The following KMT2A variants were observed in gnomAD, a reference collection of about 807,000 sequenced individuals.
The protein encoded by KMT2A is lysine methyltransferase 2A.
In KMT2A, 16 loss-of-function variants were observed where a neutral mutation model predicts 345.3. The ratio of observed to expected loss-of-function variants is 0.05; its 90% CI spans 0.03 to 0.07. The LOEUF (loss-of-function observed/expected upper bound fraction) is 0.07. Among genes scored for constraint, KMT2A ranks in the 10% least tolerant of loss-of-function variants. The pLI, the probability that KMT2A is intolerant of heterozygous loss-of-function variation, is 1.00. For missense variants in KMT2A, 3,272 were observed against 4,841.6 expected, an observed-to-expected ratio of 0.68 and a Z score of 9.62; for synonymous variants, 1,599 against 1,778.6, an observed-to-expected ratio of 0.90 and a Z score of 2.54.
intron 31 of KMT2A, among the ~76,000 whole-genome samples, chr11:118,512,624 G>A (rs1555050421): frequency 6.6e-6 from 1 of 151,978 alleles, no homozygotes; most frequent in Non-Finnish European, 1.5e-5. Flanking sequence ...GTGTAGACAT[G>A]TTTTTATTTT....
intron 31 of KMT2A, among the ~76,000 whole-genome samples, chr11:118,515,998 C>A (rs1950806034): frequency 6.6e-6 from 1 of 152,058 alleles, no homozygotes; most frequent in South Asian, 2.1e-4. Context: ...CTAAGCCAGT[C>A]TCTGGCAAAG....
intron 28 of KMT2A, 168 bp downstream of exon 28, chr11:118,507,777 T>C (rs180966088): frequency 2.8e-4 from 160 of 571,670 alleles, no homozygotes; most frequent in Non-Finnish European, 4.7e-4. Flanking sequence ...CTGGCTAACA[T>C]GGTGAAACCC....
chr11:118,500,940 C>T, intron 24 of KMT2A, 47 bp from the exon 25 acceptor site: 1 of 1,503,566 alleles, frequency 6.7e-7, no homozygotes, highest in Non-Finnish European at 9.2e-7. Flanking sequence ...CTAGTTTCTG[C>T]TTCTATCCTC....
Position 118,502,974 on chromosome 11 carries a change from C to A in KMT2A, c.7082C>A (p.Ser2361Ter). The A allele has an allele frequency of 6.2e-7, 1 of 1,613,970 alleles. No homozygotes were observed. Among genetic ancestry groups the A allele is most frequent in the South Asian group, 1.1e-5 (1 of 91,016 alleles). ...TCCTTTGCTGAACCCTCTTCAGTGT[C>A]GTTTTCTTCTAAAGAGGCCCTCTCC... ...IGSFAEPSSV[S>*]FSSKEALSFP... Residue 2361 changes from serine to a stop codon, truncating the protein, a stop_gained, in exon 27 of 36, where the codon TCG becomes TAG. Transcript: ENST00000534358. LOFTEE classifies it high-confidence loss of function. The surrounding 1 kb of genome is among the most constrained non-coding windows in gnomAD (Gnocchi z 4.9).
Position 118,484,189 on chromosome 11 carries a change from C to A in KMT2A, c.4093C>A (p.Pro1365Thr). 1 of 1,614,070 alleles carries A rather than the reference C, an allele frequency of 6.2e-7. No homozygotes were observed. The highest frequency in any genetic ancestry group is 8.5e-7 in the Non-Finnish European group (1 of 1,179,992). ...VKQKPKEKEK[P>T]PPVNKQENAG... Reference sequence around the variant, plus strand: ...TCATCTTTTGTCTCCTTAGGAAAAACCACCTCCGGTCAATAAGCAGGAGAA... The same window carrying A: ...TCATCTTTTGTCTCCTTAGGAAAAAACACCTCCGGTCAATAAGCAGGAGAA... Residue 1365 changes from proline (P) to threonine (T), a missense_variant, in exon 9 of 36, where the codon CCA becomes ACA. By Grantham distance (38) the Pro-to-Thr change is conservative (BLOSUM62 -1). Transcript: ENST00000534358. This position sits in a 1 kb window ranked among gnomAD's most constrained non-coding sequence, Gnocchi z 4.1.
intron 31 of KMT2A, among the ~76,000 whole-genome samples, chr11:118,519,094 A>AAG (rs1950898229): frequency 6.6e-6 from 1 of 150,710 alleles, no homozygotes; most frequent in South Asian, 2.1e-4. Context: ...AAAAAAAAAA[A>AAG]AAAAAGAAAA....
At chr11:118,439,468 AAG>A (rs1447301431) in intron 1 of KMT2A, among the ~76,000 whole-genome samples, 1 of 152,242 alleles carries the variant, frequency 6.6e-6, no homozygotes, top group Non-Finnish European at 1.5e-5. Flanking sequence ...ACTGGTTAGA[AAG>A]AGAGCCACCT....
intron 28 of KMT2A, among the ~76,000 whole-genome samples, chr11:118,508,089 A>T (rs543061127): frequency 2.8e-4 from 42 of 152,368 alleles, no homozygotes; most frequent in Admixed American, 1.8e-3. Flanking sequence ...GAATTATTTA[A>T]ATAATGGATA....
Position 118,502,915 on chromosome 11 carries a change from A to C in KMT2A, c.7023A>C (p.Thr2341=), listed in dbSNP as rs554266191. The C allele has an allele frequency of 7.3e-5, 118 of 1,614,122 alleles. No homozygotes were observed. The South Asian group carries it at 1.3e-3, about 17-fold the overall frequency. Residue 2341 remains threonine, a synonymous_variant, in exon 27 of 36, where the codon ACA becomes ACC. Coordinates refer to ENST00000534358, the MANE Select transcript of KMT2A (RefSeq NM_001197104.2). The surrounding 1 kb of genome is among the most constrained non-coding windows in gnomAD (Gnocchi z 4.9). ...AACTGGCCCCACAGGTTCATAACAC[A>C]ACATCTAGAGAACTGAATGTTAGTA... is the stretch of plus-strand genomic sequence containing the variant. ...IPKLAPQVHN[T]TSRELNVSKI...
At position 118,509,824 on chromosome 11, in the gene KMT2A, G is replaced by C. The variant is rs571064203; in HGVS notation, c.10901-124G>C. On this transcript the variant is annotated intron_variant, in intron 29 of 35. Coordinates refer to ENST00000534358, the MANE Select transcript of KMT2A (RefSeq NM_001197104.2). ...GTCTTGGGTTTGTTATCTATAAATG[G>C]GAATAATAAACCAACTGTGGAATGT... is the stretch of plus-strand genomic sequence containing the variant. 1.1e-4 allele frequency: 74 copies of C among 676,264 alleles called. 1 individual carries two copies. The East Asian group carries it at 1.9e-3, about 17-fold the overall frequency. 41.9% of individuals were successfully genotyped at this position (676,264 alleles called of 1,614,324 possible).
chr11:118,497,144 A>G lies in KMT2A; in HGVS notation c.5664+777A>G, dbSNP rs1476819106. 1.3e-5 allele frequency among the ~76,000 whole-genome samples: 2 copies of G among 152,084 alleles called. No individual in the cohort carries two copies. Among genetic ancestry groups the G allele is most frequent in the Non-Finnish European group, 2.9e-5 (2 of 68,028 alleles). On this transcript the variant is annotated intron_variant, in intron 20 of 35. Coordinates refer to ENST00000534358, the MANE Select transcript of KMT2A (RefSeq NM_001197104.2). This position sits in a 1 kb window ranked among gnomAD's most constrained non-coding sequence, Gnocchi z 4.8. ...CTCAGCCTCCCGAGTAGCTGGGATT[A>G]CAGGCATGTGCCACCATGCCCGGCT...
chr11:118,493,106 C>T lies in KMT2A; in HGVS notation c.5054C>T (p.Ser1685Phe). The change falls in exon 16 of 36, where the codon TCC becomes TTC. Residue 1685 changes from serine (S) to phenylalanine (F), a missense_variant. By Grantham distance (155) the Ser-to-Phe change is radical. Around this residue, in one of 27 missense-constraint regions of KMT2A, gnomAD observed 66 missense variants for 80.1 expected, o/e 0.82. Coordinates refer to ENST00000534358, the MANE Select transcript of KMT2A (RefSeq NM_001197104.2). This position sits in a 1 kb window ranked among gnomAD's most constrained non-coding sequence, Gnocchi z 5.8. ...LNPETEESIP[S>F]RSSPEGPDPP... Reference sequence around the variant, plus strand: ...CCCGAGACAGAGGAGAGTATACCTTCCCGCAGCTCCCCCGAAGGACCTGAT... The same window carrying T: ...CCCGAGACAGAGGAGAGTATACCTTTCCGCAGCTCCCCCGAAGGACCTGAT... 1 of 1,614,032 alleles carries T rather than the reference C, an allele frequency of 6.2e-7. No individual in the cohort carries two copies. The highest frequency in any genetic ancestry group is 8.5e-7 in the Non-Finnish European group (1 of 1,179,930).
chr11:118,446,470 T>C (rs1949424515), intron 1 of KMT2A, among the ~76,000 whole-genome samples: 1 of 152,230 alleles, frequency 6.6e-6, no homozygotes, highest in Admixed American at 6.5e-5. Flanking sequence ...TTAAGTTATA[T>C]GGCTAGTAAG....
At position 118,504,832 on chromosome 11, in the gene KMT2A, G is replaced by C. The variant is rs781920905; in HGVS notation, c.8940G>C (p.Leu2980=). The change falls in exon 27 of 36, where the codon CTG becomes CTC. Residue 2980 remains leucine, a synonymous_variant. Transcript: ENST00000534358. This position sits in a 1 kb window ranked among gnomAD's most constrained non-coding sequence, Gnocchi z 6.4. ...CCTCTGAAAGTGACCCAGCACTGCT[G>C]AGCCCAGGAGTAGATCCAACTCCTG... is the stretch of plus-strand genomic sequence containing the variant. ...VASSESDPAL[L]SPGVDPTPEG... 6.2e-7 allele frequency: 1 copy of C among 1,614,148 alleles called. No individual in the cohort carries two copies. The highest frequency in any genetic ancestry group is 8.5e-7 in the Non-Finnish European group (1 of 1,180,032).
In KMT2A at chr11:118,503,725, G is replaced by C; in HGVS notation, c.7833G>C (p.Glu2611Asp). 2 of 1,614,176 alleles carry C rather than the reference G, an allele frequency of 1.2e-6. No homozygotes were observed. The highest frequency in any genetic ancestry group is 1.7e-6 in the Non-Finnish European group (2 of 1,180,036). Reference sequence around the variant, plus strand: ...TTCCAGATGGCCCCAAACCTCAGGAGGATGGCTCTTTTAAAAGGAGGTATC... The same window carrying C: ...TTCCAGATGGCCCCAAACCTCAGGACGATGGCTCTTTTAAAAGGAGGTATC... ...LMLPDGPKPQ[E>D]DGSFKRRYPR... is the part of the protein sequence containing the mutation. The change falls in exon 27 of 36, where the codon GAG becomes GAC. Residue 2611 changes from glutamate (E) to aspartate (D), a missense_variant. Transcript: ENST00000534358. The surrounding 1 kb of genome is among the most constrained non-coding windows in gnomAD (Gnocchi z 5.3).
At chr11:118,467,060 T>G (rs546071196) in intron 1 of KMT2A, among the ~76,000 whole-genome samples, 5 of 151,864 alleles carry the variant, frequency 3.3e-5, no homozygotes, top group Non-Finnish European at 7.4e-5. Flanking sequence ...TAAATTTAGG[T>G]TTCATACATT....
chr11:118,468,978 T>TTTTA (rs1237546320), intron 2 of KMT2A, 134 bp downstream of exon 2: 31 of 523,544 alleles, frequency 5.9e-5, no homozygotes, highest in East Asian at 2.0e-4. Context: ...CTAGACTTCT[T>TTTTA]TTTATTTATT....
In KMT2A at chr11:118,502,643, G is replaced by A; in HGVS notation, c.6751G>A (p.Gly2251Arg). ...TGCCAAAGTAGTTGATCATGTCTTAGGGCCACTGAATTCAAGTACTAGTTT... is the reference window on the plus strand; with the variant it reads ...TGCCAAAGTAGTTGATCATGTCTTAAGGCCACTGAATTCAAGTACTAGTTT... ...SSAKVVDHVLGPLNSSTSLGQ... is the reference protein window; with the variant it reads ...SSAKVVDHVLRPLNSSTSLGQ... The change falls in exon 27 of 36, where the codon GGG becomes AGG. Residue 2251 changes from glycine to arginine, a missense_variant. By Grantham distance (125) the Gly-to-Arg change is moderately radical. Around this residue, in one of 27 missense-constraint regions of KMT2A, gnomAD observed 445 missense variants for 500.9 expected, o/e 0.89. Transcript: ENST00000534358. This position sits in a 1 kb window ranked among gnomAD's most constrained non-coding sequence, Gnocchi z 4.9. The A allele has an allele frequency of 6.2e-7, 1 of 1,614,094 alleles. No individual in the cohort carries two copies. Among genetic ancestry groups the A allele is most frequent in the Non-Finnish European group, 8.5e-7 (1 of 1,180,014 alleles).
rs782407221 is a variant in KMT2A, at chr11:118,497,476, A to G, written c.5665-460A>G. On this transcript the variant is annotated intron_variant, in intron 20 of 35. Coordinates refer to ENST00000534358, the MANE Select transcript of KMT2A (RefSeq NM_001197104.2). The surrounding 1 kb of genome is among the most constrained non-coding windows in gnomAD (Gnocchi z 4.8). The stretch of plus-strand genomic sequence containing the variant: ...AGTGGCATGCTTTTGGCTCACTGCA[A>G]TCTCGGCTTCCGGGGCTCAAGTGAT... Among the ~76,000 whole-genome samples the G allele has an allele frequency of 2.6e-4, 39 of 152,122 alleles. 1 individual carries two copies. Among genetic ancestry groups the G allele is most frequent in the Non-Finnish European group, 4.9e-4 (33 of 67,984 alleles).
Sources: allele counts gnomAD v4.1 joint callset (sites outside exome capture counted in the v4.1 genomes callset), GRCh38; gene constraint gnomAD v4.1.1; regional missense constraint gnomAD v4.1.1; non-coding constraint Gnocchi (gnomAD v3.1); transcripts MANE v1.5; gene names NCBI Gene and HGNC (gene_info 2026-07-23, HGNC 2026-07-21).